CCM2: variants seen among roughly 807,000 people sequenced by gnomAD.
CCM2 encodes CCM2 scaffold protein, also known as cerebral cavernous malformations 2 protein.
Under a neutral mutation model 44.9 loss-of-function variants are expected in CCM2, and 25 were observed. That is an observed-to-expected ratio of 0.56 (90% CI 0.41 to 0.78). CCM2 has a LOEUF of 0.78. Ranked by LOEUF, CCM2 falls within the 30% of genes least tolerant of loss-of-function variation. The pLI, the probability that CCM2 is intolerant of heterozygous loss-of-function variation, is 0.00. For synonymous variants in CCM2, 219 were observed against 241.1 expected (o/e 0.91, Z 0.85); for missense variants, 481 against 580.6 (o/e 0.83, Z 1.76).
rs1402559290 is a variant in CCM2 at position 45,074,381 on chromosome 7, G to A, written c.1027G>A (p.Gly343Arg). 1 of 1,613,450 alleles carries A rather than the reference G, an allele frequency of 6.2e-7. No individual in the cohort carries two copies. The change falls in exon 9 of 10, where the codon GGG (glycine) becomes AGG (arginine). Residue 343 changes from glycine to arginine, a missense_variant. Coordinates refer to ENST00000258781, the MANE Select transcript of CCM2 (RefSeq NM_031443.4). Reference protein sequence around the residue: ...EFCINLRQLYGDSRKFLLLGL... With the variant: ...EFCINLRQLYRDSRKFLLLGL... Reference sequence around the variant, plus strand: ...CTGCATCAACCTGCGGCAGCTCTACGGGGACAGCCGCAAGTTCCTGCTGCT... The same window carrying A: ...CTGCATCAACCTGCGGCAGCTCTACAGGGACAGCCGCAAGTTCCTGCTGCT...
At chr7:45,009,828 C>T (rs1433484936) in intron 1 of CCM2, among the ~76,000 whole-genome samples, 2 of 152,084 alleles carry the variant, frequency 1.3e-5, no homozygotes, top group African/African-American at 2.4e-5. Flanking sequence ...GATCTAAATA[C>T]ATTAGCATGC....
intron 1 of CCM2, among the ~76,000 whole-genome samples, chr7:45,032,876 A>G (rs1483032756): frequency 6.6e-6 from 1 of 151,872 alleles, no homozygotes; most frequent in Admixed American, 6.6e-5. Context: ...CCCCATCTCT[A>G]CTAAAAATAC....
rs1188034637 is a variant in CCM2, at chr7:45,000,321, C to G, written c.-13C>G. ...GGCGGGCCGGGCGGGCCGCGGGAGC[C>G]GCACGCGGCGATATGGAAGAGGAGG... On this transcript the variant is annotated 5_prime_UTR_variant, in exon 1 of 10. Coordinates refer to ENST00000258781, the MANE Select transcript of CCM2 (RefSeq NM_031443.4). The G allele has an allele frequency of 2.9e-5, 37 of 1,274,852 alleles. No homozygotes were observed. In the East Asian group the frequency reaches 9.2e-4, roughly 32 times the overall value. The allele number at this position is 1,274,852 out of a possible 1,614,324, so 79.0% of individuals were successfully genotyped here.
rs1434337867 is a variant in CCM2 at position 45,069,836 on chromosome 7, A to C, written c.620A>C (p.Glu207Ala). ...TGTCCCCCACTGCAGGTCGCTGCGG[A>C]GGAGCTTTGCTGTCTGCTAGGCCAG... The part of the protein sequence containing the change: ...ILAAESKVAA[E>A]ELCCLLGQVF... The change falls in exon 6 of 10, where the codon GAG becomes GCG. Residue 207 changes from glutamate to alanine, a missense_variant. Coordinates refer to ENST00000258781, the MANE Select transcript of CCM2 (RefSeq NM_031443.4). 1 of 1,614,060 alleles carries C rather than the reference A, an allele frequency of 6.2e-7. No homozygotes were observed. The highest frequency in any genetic ancestry group is 2.2e-5 in the East Asian group (1 of 44,904).
At chr7:45,074,138 C>A in intron 8 of CCM2, 132 bp from the exon 9 acceptor site, 1 of 1,540,258 alleles carries the variant, frequency 6.5e-7, no homozygotes, top group Non-Finnish European at 8.7e-7. Flanking sequence ...ATTCTGATGC[C>A]CCAGCCTGTG....
At chr7:45,074,079 T>G (rs1251778107) in intron 8 of CCM2, 191 bp from the exon 9 acceptor site, 2 of 1,312,684 alleles carry the variant, frequency 1.5e-6, no homozygotes, top group Non-Finnish European at 2.1e-6. Flanking sequence ...CTTGGTCTCC[T>G]CTGGGTGGCC....
chr7:45,037,503 C>T (rs866470141), intron 1 of CCM2, among the ~76,000 whole-genome samples: 7 of 149,742 alleles, frequency 4.7e-5, no homozygotes, highest in South Asian at 2.1e-4. Context: ...CTGCAATCTC[C>T]GCCTCCTGGG....
intron 1 of CCM2, among the ~76,000 whole-genome samples, chr7:45,005,870 G>A (rs1795827829): frequency 1.3e-5 from 2 of 152,252 alleles, no homozygotes. Flanking sequence ...CAGAGATGAG[G>A]TGGAGAGGAC....
chr7:45,043,161 G>A (rs1393641243), intron 2 of CCM2, among the ~76,000 whole-genome samples: 1 of 151,680 alleles, frequency 6.6e-6, no homozygotes, highest in Non-Finnish European at 1.5e-5. Context: ...GTAGAGATGA[G>A]GTCTCACTGT....
intron 2 of CCM2, among the ~76,000 whole-genome samples, chr7:45,041,499 G>A (rs1158267257): frequency 1.3e-5 from 2 of 152,162 alleles, no homozygotes; most frequent in Non-Finnish European, 2.9e-5. Flanking sequence ...CCCAGACTAT[G>A]AGCCGAAGAA....
chr7:45,067,947 CA>C (rs1489228941), intron 4 of CCM2: 9 of 216,006 alleles, frequency 4.2e-5, no homozygotes, highest in Admixed American at 2.1e-4. Context: ...TGAGTTACTC[CA>C]TGTATTTCAG....
Position 45,033,044 on chromosome 7 carries a change from CAAAAAAAAA to C in CCM2, c.31-5190_31-5182del, listed in dbSNP as rs60956411. ...TGGTGACAAGAGCAAAACTCCGTCTCAAAAAAAAAAAAAAAAAAAAAAAAAAAGAGCAAA... is the reference window on the plus strand; with the variant it reads ...TGGTGACAAGAGCAAAACTCCGTCTCAAAAAAAAAAAAAAAAAAGAGCAAA... On this transcript the variant is annotated intron_variant, in intron 1 of 9. Coordinates refer to ENST00000258781, the MANE Select transcript of CCM2 (RefSeq NM_031443.4). Among the ~76,000 whole-genome samples, 15 of 58,084 alleles carry C rather than the reference CAAAAAAAAA, an allele frequency of 2.6e-4. No individual in the cohort carries two copies. The South Asian group carries it at 3.2e-3, about 13-fold the overall frequency. The allele number at this position is 58,084 out of a possible 152,430, so 38.1% of individuals were successfully genotyped here.
chr7:45,052,560 T>C (rs1481595352), intron 2 of CCM2, among the ~76,000 whole-genome samples: 3 of 152,246 alleles, frequency 2.0e-5, no homozygotes, highest in African/African-American at 7.2e-5. Context: ...GAACATGTAC[T>C]GTTGTCCATC....
chr7:45,023,721 A>G (rs1171410585), intron 1 of CCM2, among the ~76,000 whole-genome samples: 2 of 130,290 alleles, frequency 1.5e-5, no homozygotes, highest in Non-Finnish European at 3.2e-5. Context: ...TTACTGGGAA[A>G]TCTTTTTTTT....
At chr7:45,068,990 A>G (rs1798923309) in intron 5 of CCM2, among the ~76,000 whole-genome samples, 1 of 152,208 alleles carries the variant, frequency 6.6e-6, no homozygotes, top group Admixed American at 6.5e-5. Flanking sequence ...AGCGGCGGTC[A>G]CCTGTGCATC....
chr7:45,007,820 G>A (rs948574190), intron 1 of CCM2, among the ~76,000 whole-genome samples: 5 of 152,156 alleles, frequency 3.3e-5, no homozygotes, highest in Non-Finnish European at 7.4e-5. Flanking sequence ...AAACCTAGTT[G>A]AGGAGTGGGA....
rs1798680073 is a variant in CCM2 at position 45,064,568 on chromosome 7, C to A, written c.394C>A (p.Leu132Ile). 1 of 1,613,922 alleles carries A rather than the reference C, an allele frequency of 6.2e-7. No individual in the cohort carries two copies. Among genetic ancestry groups the A allele is most frequent in the Admixed American group, 1.7e-5 (1 of 59,994 alleles). The change falls in exon 4 of 10, where the codon CTC becomes ATC. Residue 132 changes from leucine (L) to isoleucine (I), a missense_variant. Transcript: ENST00000258781. ...CTGGAGGGACGGGGAGGATATCATC[C>A]TCAGGGTGCCCATCCATGACATCGC... ...LAWRDGEDIILRVPIHDIAAV... is the reference protein window; with the variant it reads ...LAWRDGEDIIIRVPIHDIAAV...
intron 1 of CCM2, among the ~76,000 whole-genome samples, chr7:45,014,111 G>C (rs140557923): frequency 3.9e-5 from 6 of 152,064 alleles, no homozygotes; most frequent in African/African-American, 1.4e-4. Context: ...GCTGGCTCTG[G>C]TCTCTTATTT....
At chr7:45,072,005 A>G in intron 6 of CCM2, 1 of 376,036 alleles carries the variant, frequency 2.7e-6, no homozygotes, top group Non-Finnish European at 5.3e-6. Context: ...AGTGCCAGAA[A>G]TGTCCCTTTT....
Sources: allele counts gnomAD v4.1 joint callset (sites outside exome capture counted in the v4.1 genomes callset), GRCh38; gene constraint gnomAD v4.1.1; transcripts MANE v1.5; gene names NCBI Gene and HGNC (gene_info 2026-07-23, HGNC 2026-07-21).